DLGAP2: variants seen among roughly 807,000 people sequenced by gnomAD.
The protein encoded by DLGAP2 is disks large-associated protein 2.
A neutral mutation model predicts 100.3 loss-of-function variants in DLGAP2; 26 were observed. The ratio of observed to expected loss-of-function variants is 0.26; its 90% CI spans 0.19 to 0.36. The LOEUF is 0.36. Among genes scored for constraint, DLGAP2 ranks in the 10% least tolerant of loss-of-function variants. DLGAP2 has a pLI of 1.00. For synonymous variants in DLGAP2, 886 were observed against 630.1 expected, an observed-to-expected ratio of 1.41 and a Z score of -6.08; for missense variants, 1,858 against 1,453.2, an observed-to-expected ratio of 1.28 and a Z score of -4.53.
chr8:848,738 C>T (rs1368576282), intron 1 of DLGAP2, among the ~76,000 whole-genome samples: 2 of 99,794 alleles, frequency 2.0e-5, no homozygotes, highest in African/African-American at 4.1e-5. Flanking sequence ...TCGTGCGGTG[C>T]GTGTTCCAGT....
intron 1 of DLGAP2, among the ~76,000 whole-genome samples, chr8:849,806 G>T (rs142549161): frequency 6.6e-6 from 1 of 152,108 alleles, no homozygotes; most frequent in Non-Finnish European, 1.5e-5. Flanking sequence ...GCCCGGGCAC[G>T]GTGGCTCACA....
rs1563061178 is a variant in DLGAP2 at position 1,683,890 on chromosome 8, G to GTATACATATATA, written c.2704+5262_2704+5263insATACATATATAT. Among the ~76,000 whole-genome samples the GTATACATATATA allele has an allele frequency of 2.5e-3, 268 of 105,780 alleles. 10 individuals are homozygous for GTATACATATATA. The highest frequency in any genetic ancestry group is 0.013 in the South Asian group (36 of 2,798). 69.4% of individuals were successfully genotyped at this position (105,780 alleles called of 152,430 possible). A position where few individuals can be genotyped will look rare whatever the true frequency, so the allele number is the denominator to read the frequency against. On this transcript the variant is annotated intron_variant, in intron 12 of 14. Coordinates refer to ENST00000637795, the MANE Select transcript of DLGAP2 (RefSeq NM_001346810.2). ...TGTGTGTGTGTGTGTGTGTGTGTGT[G>GTATACATATATA]TGTGTGTATACACATATATGTGTAT...
intron 2 of DLGAP2, among the ~76,000 whole-genome samples, chr8:1,025,948 C>G (rs1801785885): frequency 6.6e-6 from 1 of 152,218 alleles, no homozygotes; most frequent in African/African-American, 2.4e-5. Flanking sequence ...GCAGGGAGCA[C>G]CTGGGACGCA....
At chr8:1,548,594 G>A (rs769528852) in intron 4 of DLGAP2, 32 bp from the exon 5 acceptor site, 13 of 1,454,324 alleles carry the variant, frequency 8.9e-6, no homozygotes, top group Admixed American at 2.4e-5. Flanking sequence ...CCGCGCTTCC[G>A]GGTGTTCAAT....
At chr8:916,642 A>G (rs1798599480) in intron 2 of DLGAP2, among the ~76,000 whole-genome samples, 1 of 152,248 alleles carries the variant, frequency 6.6e-6, no homozygotes, top group Non-Finnish European at 1.5e-5. Flanking sequence ...TGTACCCTAG[A>G]ACTTAAAGTA....
In DLGAP2 at chr8:1,256,656, C is replaced by T. The variant is rs114356559; in HGVS notation, c.74-2195C>T. On this transcript the variant is annotated intron_variant, in intron 2 of 14. Coordinates refer to ENST00000637795, the MANE Select transcript of DLGAP2 (RefSeq NM_001346810.2). ...TCCGCGCCTCCTGCAATCAGATGCC[C>T]GCGTGGGGAGTCTCACCTTGGAAAC... is the stretch of plus-strand genomic sequence containing the variant. 3.5e-3 allele frequency among the ~76,000 whole-genome samples: 527 copies of T among 151,336 alleles called. 1 individual carries two copies. The highest frequency in any genetic ancestry group is 0.012 in the African/African-American group (509 of 40,764).
In DLGAP2 at chr8:1,565,658, G is replaced by A. The variant is rs180753029; in HGVS notation, c.1231-25G>A. On this transcript the variant is annotated intron_variant, in intron 5 of 14. Transcript: ENST00000637795. ...CCGTTCTCAGTGACAAAGTTGATGCGTGTTTCATGTCTGTCTGCTCCCAGG... is the reference window on the plus strand; with the variant it reads ...CCGTTCTCAGTGACAAAGTTGATGCATGTTTCATGTCTGTCTGCTCCCAGG... 997 of 1,589,454 alleles carry A rather than the reference G, an allele frequency of 6.3e-4. 7 individuals carry two copies. The African/African-American group carries it at 0.011, about 18-fold the overall frequency.
At chr8:1,584,816 G>A (rs1048245035) in intron 6 of DLGAP2, among the ~76,000 whole-genome samples, 5 of 152,096 alleles carry the variant, frequency 3.3e-5, no homozygotes, top group East Asian at 3.9e-4. Flanking sequence ...CACCTGTTTC[G>A]TGCTGTTTCC....
At chr8:1,670,751 T>G (rs1563053722) in intron 10 of DLGAP2, among the ~76,000 whole-genome samples, 1 of 152,132 alleles carries the variant, frequency 6.6e-6, no homozygotes, top group Admixed American at 6.5e-5. Flanking sequence ...GGTCTCACAA[T>G]TATCCAAAGG....
chr8:1,276,614 G>A (rs1046335657), intron 3 of DLGAP2, among the ~76,000 whole-genome samples: 1 of 152,104 alleles, frequency 6.6e-6, no homozygotes, highest in Non-Finnish European at 1.5e-5. Context: ...CCCAAAGGTG[G>A]TGCGTCTTGT....
In DLGAP2 at chr8:995,535, A is replaced by G. The variant is rs371836600; in HGVS notation, c.73+87569A>G. Among the ~76,000 whole-genome samples, 55 of 152,334 alleles carry G rather than the reference A, an allele frequency of 3.6e-4. No individual in the cohort carries two copies. The East Asian group carries it at 9.3e-3, about 26-fold the overall frequency. On this transcript the variant is annotated intron_variant, in intron 2 of 14. Transcript: ENST00000637795. The stretch of plus-strand genomic sequence containing the variant: ...ATTTCCATTACATATATGCATAACC[A>G]TAGCCCTTCCAAATAGAATTTGTAC...
intron 2 of DLGAP2, among the ~76,000 whole-genome samples, chr8:1,226,772 A>T (rs1195047518): frequency 6.6e-6 from 1 of 152,038 alleles, no homozygotes; most frequent in Non-Finnish European, 1.5e-5. Flanking sequence ...ATCCTCAGTA[A>T]ACATCAGTAA....
intron 2 of DLGAP2, among the ~76,000 whole-genome samples, chr8:1,189,473 T>C (rs545352106): frequency 3.3e-5 from 5 of 152,322 alleles, no homozygotes; most frequent in Non-Finnish European, 5.9e-5. Flanking sequence ...AACCAGACCT[T>C]CTTTTATCCA....
intron 2 of DLGAP2, among the ~76,000 whole-genome samples, chr8:1,100,577 T>G (rs1438711657): frequency 6.6e-6 from 1 of 152,198 alleles, no homozygotes; most frequent in Admixed American, 6.5e-5. Context: ...TCAGAATGTG[T>G]CTTCTCTGAT....
Position 890,840 on chromosome 8 carries a change from C to G in DLGAP2, c.19-17072C>G, listed in dbSNP as rs930658305. Among the ~76,000 whole-genome samples the G allele has an allele frequency of 2.0e-5, 3 of 152,268 alleles. No individual in the cohort carries two copies. In the South Asian group the frequency reaches 6.2e-4, roughly 32 times the overall value. The stretch of plus-strand genomic sequence containing the variant: ...GCCACCCTGGGGCGTTTCCCGACCC[C>G]CCTAAACTCTAGGGCATGACAACCC... On this transcript the variant is annotated intron_variant, in intron 1 of 14. Coordinates refer to ENST00000637795, the MANE Select transcript of DLGAP2 (RefSeq NM_001346810.2).
intron 2 of DLGAP2, among the ~76,000 whole-genome samples, chr8:913,690 A>G (rs1584885220): frequency 6.6e-6 from 1 of 152,260 alleles, no homozygotes; most frequent in African/African-American, 2.4e-5. Context: ...CATTTTGCAG[A>G]AGAGAAAACA....
chr8:759,164 AGCCTTCCCGTT>A (rs1389169123), intron 1 of DLGAP2, among the ~76,000 whole-genome samples: 13 of 75,484 alleles, frequency 1.7e-4, no homozygotes, highest in Admixed American at 5.2e-4. Flanking sequence ...TACCCCCCAC[AGCCTTCCCGTT>A]ATCAATACCC....
intron 3 of DLGAP2, among the ~76,000 whole-genome samples, chr8:1,286,873 G>C (rs1417780622): frequency 3.3e-5 from 5 of 152,342 alleles, no homozygotes; most frequent in Middle Eastern, 3.4e-3. Context: ...GTGCATTCGA[G>C]GAGAAAACCA....
intron 3 of DLGAP2, among the ~76,000 whole-genome samples, chr8:1,480,865 TAAAAAAAAAAG>T (rs1563174029): frequency 1.5e-5 from 2 of 135,072 alleles, no homozygotes; most frequent in African/African-American, 5.4e-5. Flanking sequence ...AAACTCCATA[TAAAAAAAAAAG>T]AAAAGAAAAG....
Sources: gnomAD v4.1 joint callset for allele counts (sites outside exome capture counted in the v4.1 genomes callset) on GRCh38, gnomAD v4.1.1 for gene constraint, MANE v1.5 for transcripts, NCBI Gene and HGNC (gene_info 2026-07-23, HGNC 2026-07-21) for gene names.